NISCH: variants seen among roughly 807,000 people sequenced by gnomAD.
NISCH encodes the protein nischarin, also known as I-1 receptor candidate protein.
NISCH carries 55 observed loss-of-function variants against 138.4 expected under a neutral mutation model. The observed-to-expected ratio is 0.40, with a 90% CI of 0.32 to 0.50. The LOEUF (loss-of-function observed/expected upper bound fraction) is 0.50. Among genes scored for constraint, NISCH ranks in the 20% least tolerant of loss-of-function variants. NISCH has a pLI of 0.71. For missense variants in NISCH, 1,643 were observed against 2,005.5 expected, an observed-to-expected ratio of 0.82 and a Z score of 3.45; for synonymous variants, 860 against 861.5, an observed-to-expected ratio of 1.00 and a Z score of 0.03.
intron 2 of NISCH, among the ~76,000 whole-genome samples, 200 bp from the exon 3 acceptor site, chr3:52,458,462 A>G (rs1251728692): frequency 6.6e-6 from 1 of 152,178 alleles, no homozygotes; most frequent in Non-Finnish European, 1.5e-5. Context: ...CTTGTCTAGA[A>G]TTGTATTGGT....
chr3:52,490,621 C>T (rs1707536677), intron 18 of NISCH, 84 bp from the exon 19 acceptor site: 3 of 1,582,542 alleles, frequency 1.9e-6, no homozygotes, highest in Admixed American at 3.4e-5. Flanking sequence ...CCAAGAGGAC[C>T]TGTTCCTGCT....
intron 3 of NISCH, among the ~76,000 whole-genome samples, chr3:52,462,509 A>T (rs1706663758): frequency 6.6e-6 from 1 of 152,160 alleles, no homozygotes; most frequent in African/African-American, 2.4e-5. Context: ...TCTCTGGGGA[A>T]TGTTTCTCTT....
chr3:52,469,855 C>T (rs1706891058), intron 3 of NISCH, among the ~76,000 whole-genome samples: 2 of 149,682 alleles, frequency 1.3e-5, no homozygotes, highest in South Asian at 4.2e-4. Flanking sequence ...GCAGAGGTGG[C>T]GGTGAGCCGA....
chr3:52,480,167 C>T lies in NISCH; in HGVS notation c.1417-17C>T. On this transcript the variant is annotated splice_polypyrimidine_tract_variant and intron_variant, in intron 12 of 20. Coordinates refer to ENST00000345716, the MANE Select transcript of NISCH (RefSeq NM_007184.4). ...CTTCCTCTTCTCTCCCGGGCTGACTCAAGCACTCGTCCTCAGGGTGGTGAA... is the reference window on the plus strand; with the variant it reads ...CTTCCTCTTCTCTCCCGGGCTGACTTAAGCACTCGTCCTCAGGGTGGTGAA... 6.2e-7 allele frequency: 1 copy of T among 1,613,590 alleles called. No homozygotes were observed. Among genetic ancestry groups the T allele is most frequent in the Non-Finnish European group, 8.5e-7 (1 of 1,179,916 alleles).
chr3:52,487,511 AGAG>A lies in NISCH; in HGVS notation c.2028_2030del (p.Glu679del), dbSNP rs754735998. ...AGGAGGGAGGAGGCCAGGGGGAGGA[AGAG>A]GAGGAGGAAGAGGAGGATGAAGAGG... On this transcript the variant is annotated inframe_deletion, in exon 16 of 21. Transcript: ENST00000345716. The surrounding 1 kb of genome is among the most constrained non-coding windows in gnomAD (Gnocchi z 9.1). 18 of 1,597,282 alleles carry A rather than the reference AGAG, an allele frequency of 1.1e-5. No homozygotes were observed. The highest frequency in any genetic ancestry group is 1.7e-4 in the Middle Eastern group (1 of 6,012).
At chr3:52,486,228 G>A (rs1349397541) in intron 15 of NISCH, among the ~76,000 whole-genome samples, 3 of 151,946 alleles carry the variant, frequency 2.0e-5, no homozygotes, top group Non-Finnish European at 2.9e-5. Flanking sequence ...TCCTGTCTCA[G>A]CCTCAGCCTT....
chr3:52,458,823 C>T lies in NISCH; in HGVS notation c.339C>T (p.His113=), dbSNP rs1706549620. Residue 113 remains histidine (H), a synonymous_variant, in exon 3 of 21, where the codon CAC becomes CAT. Transcript: ENST00000345716. ...GCGTGACCCCCAGAGTACTGGCCCA[C>T]TTCTTGCATTTTCACTTCTATGTAA... ...FPGVTPRVLA[H]FLHFHFYEIN... The T allele has an allele frequency of 1.3e-6, 2 of 1,593,034 alleles. No individual in the cohort carries two copies. The highest frequency in any genetic ancestry group is 1.8e-5 in the Admixed American group (1 of 54,084).
chr3:52,488,803 T>C (rs1031634928), intron 16 of NISCH, among the ~76,000 whole-genome samples, 198 bp downstream of exon 16: 1 of 146,726 alleles, frequency 6.8e-6, no homozygotes, highest in Non-Finnish European at 1.5e-5. Context: ...CTCAGTGCTG[T>C]AGAAGAAGCC....
chr3:52,460,877 C>T (rs1706612475), intron 3 of NISCH, among the ~76,000 whole-genome samples: 1 of 152,216 alleles, frequency 6.6e-6, no homozygotes, highest in African/African-American at 2.4e-5. Flanking sequence ...GAAGAATCCA[C>T]TCCCTTTTCA....
At chr3:52,455,835 G>C in intron 1 of NISCH, 101 bp downstream of exon 1, 1 of 843,216 alleles carries the variant, frequency 1.2e-6, no homozygotes, top group Non-Finnish European at 1.6e-6. Context: ...GCCCCGAGGA[G>C]CGGGTAGAAG....
chr3:52,476,726 C>A, intron 8 of NISCH, 127 bp downstream of exon 8: 2 of 929,992 alleles, frequency 2.2e-6, no homozygotes, highest in Non-Finnish European at 3.2e-6. Context: ...GCATTGCCTG[C>A]CATTTTAAGT....
chr3:52,484,853 C>G (rs1177191313), intron 14 of NISCH, among the ~76,000 whole-genome samples: 1 of 151,976 alleles, frequency 6.6e-6, no homozygotes, highest in Non-Finnish European at 1.5e-5. Flanking sequence ...TTCAGCCTCC[C>G]TCCTTCCCTT....
chr3:52,484,462 T>TGGGGGCGCC, intron 13 of NISCH, 51 bp from the exon 14 acceptor site: 1 of 788,670 alleles, frequency 1.3e-6, no homozygotes, highest in Non-Finnish European at 1.8e-6. Context: ...ACAGCCGCTC[T>TGGGGGCGCC]CCCCGCCCCA....
At chr3:52,479,994 C>T (rs1707222042) in intron 12 of NISCH, 132 bp downstream of exon 12, 3 of 959,274 alleles carry the variant, frequency 3.1e-6, no homozygotes, top group Non-Finnish European at 1.6e-6. Context: ...GCTGCATGAC[C>T]TCGGGCAAGT....
chr3:52,456,594 G>A (rs913118452), intron 1 of NISCH, among the ~76,000 whole-genome samples: 13 of 152,348 alleles, frequency 8.5e-5, no homozygotes, highest in South Asian at 4.1e-4. Flanking sequence ...CGCAGGGTAG[G>A]GAGTGGGTGG....
chr3:52,472,210 TG>T, intron 5 of NISCH, 92 bp from the exon 6 acceptor site: 2 of 1,225,258 alleles, frequency 1.6e-6, no homozygotes, highest in Non-Finnish European at 2.4e-6. Flanking sequence ...AAGACAGAAG[TG>T]GTCAAAGTTG....
chr3:52,481,348 C>T, intron 13 of NISCH: 2 of 993,826 alleles, frequency 2.0e-6, no homozygotes, highest in South Asian at 9.3e-5. Context: ...ACACTGAGGT[C>T]ACACCTGTGA....
chr3:52,477,280 AG>A (rs755168425), intron 8 of NISCH, among the ~76,000 whole-genome samples: 7 of 152,196 alleles, frequency 4.6e-5, no homozygotes, highest in Non-Finnish European at 1.0e-4. Flanking sequence ...GAGTGTGGGC[AG>A]GGTTGAAGAA....
rs1381063462 is a variant in NISCH at position 52,487,845 on chromosome 3, C to T, written c.2353C>T (p.Arg785Trp). 2.5e-6 allele frequency: 4 copies of T among 1,613,070 alleles called. No individual in the cohort carries two copies. Among genetic ancestry groups the T allele is most frequent in the Non-Finnish European group, 3.4e-6 (4 of 1,179,890 alleles). The change falls in exon 16 of 21, where the codon CGG (arginine) becomes TGG (tryptophan). Residue 785 changes from arginine to tryptophan, a missense_variant. By Grantham distance (101) the Arg-to-Trp change is moderately radical (BLOSUM62 -3). Transcript: ENST00000345716. The surrounding 1 kb of genome is among the most constrained non-coding windows in gnomAD (Gnocchi z 9.1). ...GGAGCTGTGTCTGGTGCTCAAGGTA[C>T]GGCACAGTGAGAACACGCTCTTCAT... ...MPELCLVLKV[R>W]HSENTLFIIS...
Sources: allele counts gnomAD v4.1 joint callset (sites outside exome capture counted in the v4.1 genomes callset), GRCh38; gene constraint gnomAD v4.1.1; non-coding constraint Gnocchi (gnomAD v3.1); transcripts MANE v1.5; gene names NCBI Gene and HGNC (gene_info 2026-07-23, HGNC 2026-07-21).